The following NLGN3 variants were observed in gnomAD, a reference collection of about 807,000 sequenced individuals.
NLGN3 encodes the protein neuroligin-3.
Under a neutral mutation model 42.9 loss-of-function variants are expected in NLGN3, and 11 were observed. The observed-to-expected ratio is 0.26, with a 90% CI of 0.16 to 0.42. The LOEUF (loss-of-function observed/expected upper bound fraction) is 0.42. NLGN3 is among the 10% of genes least tolerant of loss of function. The probability of loss-of-function intolerance (pLI) is 1.00; values close to 1 mark genes in which losing one functional copy is unlikely to be tolerated. For missense variants in NLGN3, 374 were observed against 733.8 expected (o/e 0.51, Z 5.67); for synonymous variants, 279 against 312.7 (o/e 0.89, Z 1.14).
chrX:71,170,164 C>CAT lies in NLGN3; in HGVS notation c.*68_*69insTA. On this transcript the variant is annotated 3_prime_UTR_variant, in exon 8 of 8. Coordinates refer to ENST00000358741, the MANE Select transcript of NLGN3 (RefSeq NM_181303.2). ...CCAGATCCAGGAACACATGCACACA[C>CAT]ACACACACACACACGCAGACACACA... 1 of 1,191,661 alleles carries CAT rather than the reference C, an allele frequency of 8.4e-7. No homozygotes were observed. The highest frequency in any genetic ancestry group is 3.0e-5 in the East Asian group (1 of 33,576).
intron 4 of NLGN3, 142 bp from the exon 5 acceptor site, chrX:71,155,072 C>T (rs2092403793): frequency 1.6e-6 from 1 of 634,100 alleles, no homozygotes; most frequent in South Asian, 2.4e-5. Context: ...GTTGAGCAAC[C>T]CCATGAGTCC....
In NLGN3 at chrX:71,170,438, ACACCCCCTT is replaced by A. The variant is rs1231901839; in HGVS notation, c.*342_*350del. ...TGGGGGGCCTGAAAGCAACAGCTGG[ACACCCCCTT>A]GGTGCTCGCCTTCGGCCTCTCTTGG... On this transcript the variant is annotated 3_prime_UTR_variant, in exon 8 of 8. Transcript: ENST00000358741. 1 of 941,529 alleles carries A rather than the reference ACACCCCCTT, an allele frequency of 1.1e-6. No homozygotes were observed. Among genetic ancestry groups the A allele is most frequent in the African/African-American group, 2.0e-5 (1 of 49,219 alleles). The allele number at this position is 941,529 out of a possible 1,213,427, so 77.6% of individuals were successfully genotyped here.
chrX:71,147,790 C>T lies in NLGN3; in HGVS notation c.41C>T (p.Pro14Leu). Residue 14 changes from proline to leucine, a missense_variant, in exon 2 of 8, where the codon CCC becomes CTC. Coordinates refer to ENST00000358741, the MANE Select transcript of NLGN3 (RefSeq NM_181303.2). ...GGCCCGCCCTCGCTGTCCCTGAGCC[C>T]CAAGCCCACGGTTGGCAGGAGCCTG... ...RLGPPSLSLS[P>L]KPTVGRSLCL... 3 of 1,210,311 alleles carry T rather than the reference C, an allele frequency of 2.5e-6. No individual in the cohort carries two copies. Among genetic ancestry groups the T allele is most frequent in the Non-Finnish European group, 2.2e-6 (2 of 895,052 alleles).
rs761678588 is a variant in NLGN3, at chrX:71,155,821, G to A, written c.727+458G>A. Among the ~76,000 whole-genome samples, 18 of 110,387 alleles carry A rather than the reference G, an allele frequency of 1.6e-4. No individual in the cohort carries two copies. In the South Asian group the frequency reaches 5.8e-3, roughly 36 times the overall value. ...CCCCGCCATGCACCTGCAGGAAGAC[G>A]GTGATTTCTCACTCACCCCCATAAA... On this transcript the variant is annotated intron_variant, in intron 5 of 7. Transcript: ENST00000358741.
chrX:71,148,457 G>A (rs1013966482), intron 2 of NLGN3, among the ~76,000 whole-genome samples: 1 of 110,418 alleles, frequency 9.1e-6, no homozygotes, highest in Non-Finnish European at 1.9e-5. Context: ...GACGGGTCTC[G>A]GTCCAGTGCT....
chrX:71,149,769 C>T (rs1220825741), intron 3 of NLGN3, among the ~76,000 whole-genome samples: 2 of 110,776 alleles, frequency 1.8e-5, no homozygotes, highest in Non-Finnish European at 1.9e-5. Context: ...ACCTTCAGGG[C>T]GTGTTCTTTC....
chrX:71,146,099 C>G (rs1333407981), intron 1 of NLGN3, among the ~76,000 whole-genome samples: 1 of 98,617 alleles, frequency 1.0e-5, no homozygotes, highest in African/African-American at 3.8e-5. Flanking sequence ...GCCACTTTAC[C>G]CGCCCTCCCT....
At chrX:71,165,705 A>T (rs1274048402) in intron 6 of NLGN3, among the ~76,000 whole-genome samples, 1 of 108,684 alleles carries the variant, frequency 9.2e-6, no homozygotes, top group Non-Finnish European at 1.9e-5. Context: ...TTGGGGATAA[A>T]TTTTTTTTTG....
intron 7 of NLGN3, among the ~76,000 whole-genome samples, chrX:71,168,857 GAAAGAAAGAA>G (rs1412093309): frequency 3.5e-5 from 3 of 86,755 alleles, no homozygotes; most frequent in Non-Finnish European, 4.1e-5. Flanking sequence ...AAGAAAGAAA[GAAAGAAAGAA>G]AGAGAAAGAA....
At chrX:71,159,890 ATTT>A (rs748275369) in intron 5 of NLGN3, among the ~76,000 whole-genome samples, 23 of 50,399 alleles carry the variant, frequency 4.6e-4, no homozygotes, top group African/African-American at 1.3e-3. Flanking sequence ...ACGCCCAGCT[ATTT>A]TTTTTTTTTT....
downstream of NLGN3, among the ~76,000 whole-genome samples, chrX:71,173,608 T>C (rs1353893496): frequency 8.9e-6 from 1 of 112,687 alleles, no homozygotes; most frequent in African/African-American, 3.2e-5. Flanking sequence ...TTTAAGGAGT[T>C]GGACACAGCT....
intron 3 of NLGN3, among the ~76,000 whole-genome samples, chrX:71,150,890 G>A (rs895491487): frequency 2.7e-5 from 3 of 110,973 alleles, no homozygotes; most frequent in Non-Finnish European, 3.8e-5. Context: ...TTTACCAATC[G>A]TGATTGTTGA....
chrX:71,153,363 G>C, intron 3 of NLGN3, 114 bp from the exon 4 acceptor site: 1 of 759,229 alleles, frequency 1.3e-6, no homozygotes, highest in East Asian at 3.5e-5. Context: ...CCTGTCCTGG[G>C]CCCAGGCCCG....
chrX:71,157,291 T>TTTAC (rs1569484569), intron 5 of NLGN3, among the ~76,000 whole-genome samples: 2 of 89,199 alleles, frequency 2.2e-5, no homozygotes, highest in Non-Finnish European at 4.2e-5. Flanking sequence ...AATTTGCTTA[T>TTTAC]TTATTTATTT....
chrX:71,154,839 G>A (rs1410259374), intron 4 of NLGN3, among the ~76,000 whole-genome samples: 1 of 111,552 alleles, frequency 9.0e-6, no homozygotes, highest in African/African-American at 3.3e-5. Context: ...AGCCATGTCA[G>A]GTCCCAGGAC....
intron 5 of NLGN3, among the ~76,000 whole-genome samples, chrX:71,156,505 T>C (rs1351645292): frequency 2.7e-5 from 3 of 110,032 alleles, no homozygotes; most frequent in Non-Finnish European, 3.8e-5. Flanking sequence ...CACATCCACA[T>C]ATGCATGCAC....
rs1011519027 is a variant in NLGN3, at chrX:71,171,074, T to G, written c.*977T>G. 153 of 750,228 alleles carry G rather than the reference T, an allele frequency of 2.0e-4. No homozygotes were observed. The highest frequency in any genetic ancestry group is 2.3e-4 in the Non-Finnish European group (148 of 638,087). 61.8% of individuals were successfully genotyped at this position (750,228 alleles called of 1,213,427 possible). ...AAAAAGGCGGTGTTTTTTGTTGTTG[T>G]TGGTTTTTTTTTTTTTTTAAAGAAA... On this transcript the variant is annotated 3_prime_UTR_variant, in exon 8 of 8. Coordinates refer to ENST00000358741, the MANE Select transcript of NLGN3 (RefSeq NM_181303.2).
intron 5 of NLGN3, among the ~76,000 whole-genome samples, chrX:71,159,623 T>C (rs1385310104): frequency 4.5e-5 from 5 of 111,891 alleles, no homozygotes; most frequent in African/African-American, 1.6e-4. Context: ...ATATAATCAA[T>C]AAGCCCGTAT....
In NLGN3 at chrX:71,171,152, T is replaced by G. The variant is rs1043936483; in HGVS notation, c.*1055T>G. On this transcript the variant is annotated 3_prime_UTR_variant, in exon 8 of 8. Coordinates refer to ENST00000358741, the MANE Select transcript of NLGN3 (RefSeq NM_181303.2). ...TGGAGTTTGTCCTTTGTAAAAATTT[T>G]AAACACAGTGTCTTGATATAAAAAT... is the stretch of plus-strand genomic sequence containing the variant. The G allele has an allele frequency of 3.6e-5, 27 of 750,379 alleles. No homozygotes were observed. Among genetic ancestry groups the G allele is most frequent in the Non-Finnish European group, 3.8e-5 (24 of 637,910 alleles). The allele number at this position is 750,379 out of a possible 1,213,427, so 61.8% of individuals were successfully genotyped here.
Sources: gnomAD v4.1 joint callset for allele counts (sites outside exome capture counted in the v4.1 genomes callset) on GRCh38, gnomAD v4.1.1 for gene constraint, MANE v1.5 for transcripts, NCBI Gene and HGNC (gene_info 2026-07-23, HGNC 2026-07-21) for gene names.